ADAMTS2: variants seen among roughly 807,000 people sequenced by gnomAD.
ADAMTS2 encodes ADAM metallopeptidase with thrombospondin type 1 motif 2, also known as A disintegrin and metalloproteinase with thrombospondin motifs 2.
Under a neutral mutation model 123.0 loss-of-function variants are expected in ADAMTS2, and 50 were observed. That is an observed-to-expected ratio of 0.41 (90% confidence interval 0.32 to 0.51). ADAMTS2 has a LOEUF of 0.51. ADAMTS2 is among the 20% of genes least tolerant of loss of function. The pLI, the probability that ADAMTS2 is intolerant of heterozygous loss-of-function variation, is 0.35. For missense variants in ADAMTS2, 1,494 were observed against 1,705.2 expected (o/e 0.88, Z 2.18); for synonymous variants, 678 against 695.4 (o/e 0.98, Z 0.39).
intron 4 of ADAMTS2, among the ~76,000 whole-genome samples, chr5:179,192,136 C>T (rs1027371349): frequency 3.9e-5 from 6 of 152,188 alleles, no homozygotes; most frequent in Non-Finnish European, 8.8e-5. Flanking sequence ...CCTGGCAGAG[C>T]AGGTATGAAC....
chr5:179,297,694 C>T (rs536531071), intron 2 of ADAMTS2, among the ~76,000 whole-genome samples: 1 of 152,244 alleles, frequency 6.6e-6, no homozygotes, highest in South Asian at 2.1e-4. Context: ...CCCCCAACGC[C>T]CTCCACTATA....
chr5:179,229,542 C>T (rs538526815), intron 3 of ADAMTS2, among the ~76,000 whole-genome samples: 5 of 152,346 alleles, frequency 3.3e-5, no homozygotes, highest in Non-Finnish European at 5.9e-5. Flanking sequence ...ATCCAGCCTT[C>T]CCCGGCCCCC....
chr5:179,245,782 A>C (rs866832602), intron 3 of ADAMTS2, among the ~76,000 whole-genome samples: 60 of 132,138 alleles, frequency 4.5e-4, no homozygotes, highest in African/African-American at 1.2e-3. Context: ...AAAAAAAAAA[A>C]AAAAAAAAAA....
intron 2 of ADAMTS2, among the ~76,000 whole-genome samples, chr5:179,274,435 C>A (rs1053393494): frequency 6.6e-6 from 1 of 152,270 alleles, no homozygotes. Flanking sequence ...CACCCATCGA[C>A]ACTCCAGCTT....
chr5:179,132,875 C>A lies in ADAMTS2; in HGVS notation c.2111G>T (p.Gly704Val). Residue 704 changes from glycine to valine, a missense_variant, in exon 14 of 22, where the codon GGC becomes GTC. By Grantham distance (109) the Gly-to-Val change is moderately radical. Around this residue, in one of 6 missense-constraint regions of ADAMTS2, gnomAD observed 953 missense variants for 1,124.7 expected, o/e 0.85. Coordinates refer to ENST00000251582, the MANE Select transcript of ADAMTS2 (RefSeq NM_014244.5). The surrounding 1 kb of genome is among the most constrained non-coding windows in gnomAD (Gnocchi z 6.1). ...ACACTTGTCTTCCTGCTTGCTGGAGCCGATCACACCGTCACAGCCCACCTT... is the reference window on the plus strand; with the variant it reads ...ACACTTGTCTTCCTGCTTGCTGGAGACGATCACACCGTCACAGCCCACCTT... ...CRKVGCDGVI[G>V]SSKQEDKCGV... The A allele has an allele frequency of 1.9e-6, 3 of 1,613,932 alleles. No homozygotes were observed. Among genetic ancestry groups the A allele is most frequent in the Non-Finnish European group, 2.5e-6 (3 of 1,179,968 alleles).
chr5:179,167,381 A>G (rs957299544), intron 5 of ADAMTS2, among the ~76,000 whole-genome samples: 42 of 152,270 alleles, frequency 2.8e-4, no homozygotes, highest in African/African-American at 9.6e-4. Context: ...AGCGGCCCCA[A>G]GACAGCCTCT....
intron 3 of ADAMTS2, among the ~76,000 whole-genome samples, chr5:179,231,902 G>A (rs1047335439): frequency 1.4e-5 from 2 of 143,998 alleles, no homozygotes; most frequent in African/African-American, 2.6e-5. Flanking sequence ...GCCACAGAGC[G>A]AGACCCTGTC....
At chr5:179,249,099 C>A (rs1285763610) in intron 3 of ADAMTS2, among the ~76,000 whole-genome samples, 1 of 151,998 alleles carries the variant, frequency 6.6e-6, no homozygotes, top group Non-Finnish European at 1.5e-5. Context: ...TTTAAAAATT[C>A]ACAAATATGT....
At position 179,326,552 on chromosome 5, in the gene ADAMTS2, C is replaced by T. The variant is rs1234364137; in HGVS notation, c.534+17215G>A. Among the ~76,000 whole-genome samples, 4 of 141,848 alleles carry T rather than the reference C, an allele frequency of 2.8e-5. No individual in the cohort carries two copies. The East Asian group carries it at 6.8e-4, about 24-fold the overall frequency. The allele number at this position is 141,848 out of a possible 152,430, so 93.1% of individuals were successfully genotyped here. A position where few individuals can be genotyped will look rare whatever the true frequency, so the allele number is the denominator to read the frequency against. ...GAGCTCTCAAAAGGGACAAAATCTG[C>T]ACCTGGCTCCGTGTGTCCAAGCGCT... On this transcript the variant is annotated intron_variant, in intron 2 of 21. Transcript: ENST00000251582.
chr5:179,215,914 T>C (rs567163660), intron 3 of ADAMTS2, among the ~76,000 whole-genome samples: 5 of 152,222 alleles, frequency 3.3e-5, no homozygotes. Context: ...ATTGTCCAAC[T>C]GGAATTCTGC....
intron 5 of ADAMTS2, among the ~76,000 whole-genome samples, chr5:179,166,449 C>T (rs1763699394): frequency 6.6e-6 from 1 of 152,202 alleles, no homozygotes; most frequent in Non-Finnish European, 1.5e-5. Flanking sequence ...TTGCTGAATG[C>T]TCCCCAGGGC....
chr5:179,240,795 C>T (rs1208900677), intron 3 of ADAMTS2, among the ~76,000 whole-genome samples: 1 of 152,164 alleles, frequency 6.6e-6, no homozygotes, highest in Non-Finnish European at 1.5e-5. Flanking sequence ...CCCTGATACG[C>T]GATGCCAATA....
rs541582335 is a variant in ADAMTS2, at chr5:179,164,914, C to T, written c.976-6035G>A. ...TACAGGCAGCCTTGGGTTCTGCATG[C>T]CTCTAAGGACTCCTCACAGAAAGAA... On this transcript the variant is annotated intron_variant, in intron 5 of 21. Coordinates refer to ENST00000251582, the MANE Select transcript of ADAMTS2 (RefSeq NM_014244.5). Among the ~76,000 whole-genome samples the T allele has an allele frequency of 6.6e-4, 101 of 152,316 alleles. 1 individual carries two copies. The highest frequency in any genetic ancestry group is 2.3e-3 in the African/African-American group (97 of 41,570).
At position 179,273,015 on chromosome 5, in the gene ADAMTS2, T is replaced by C. The variant is rs749837588; in HGVS notation, c.584A>G (p.Glu195Gly). The C allele has an allele frequency of 2.5e-6, 4 of 1,613,202 alleles. No homozygotes were observed. The Admixed American group carries it at 5.0e-5, about 20-fold the overall frequency. ...AGCCTCCTGCGCCGCCAGCCCCTTC[T>C]CCAAGGGTTCGATGAAGAACTCCTC... ...EEEEFFIEPL[E>G]KGLAAQEAEQ... The change falls in exon 3 of 22, where the codon GAG becomes GGG. Residue 195 changes from glutamate (E) to glycine (G), a missense_variant. Transcript: ENST00000251582.
intron 4 of ADAMTS2, among the ~76,000 whole-genome samples, chr5:179,192,880 A>G (rs1246624428): frequency 1.3e-5 from 2 of 152,174 alleles, no homozygotes; most frequent in Non-Finnish European, 2.9e-5. Flanking sequence ...ACTGTTCTGC[A>G]TTCTTGCTGA....
intron 3 of ADAMTS2, among the ~76,000 whole-genome samples, chr5:179,208,322 A>T (rs911416038): frequency 5.3e-5 from 8 of 152,146 alleles, no homozygotes; most frequent in Non-Finnish European, 1.2e-4. Flanking sequence ...CCCTCCCAGA[A>T]CTTTCTGCTA....
chr5:179,236,098 C>T (rs1433769574), intron 3 of ADAMTS2, among the ~76,000 whole-genome samples: 1 of 152,216 alleles, frequency 6.6e-6, no homozygotes, highest in Non-Finnish European at 1.5e-5. Context: ...AGATATTAAC[C>T]ACACTCTGCC....
At chr5:179,220,290 A>C (rs1172084347) in intron 3 of ADAMTS2, among the ~76,000 whole-genome samples, 1 of 152,154 alleles carries the variant, frequency 6.6e-6, no homozygotes, top group Non-Finnish European at 1.5e-5. Context: ...GGGGGCCGGC[A>C]AGTGGGGTGC....
chr5:179,129,540 A>C lies in ADAMTS2; in HGVS notation c.2457+392T>G, dbSNP rs1762923618. ...ATCTGGGGTCCCATCCTGCTTAGAG[A>C]CACAGTCCAGCTCAACCTGGGTCTG... is the stretch of plus-strand genomic sequence containing the variant. On this transcript the variant is annotated intron_variant, in intron 16 of 21. Transcript: ENST00000251582. The surrounding 1 kb of genome is among the most constrained non-coding windows in gnomAD (Gnocchi z 4.1). Among the ~76,000 whole-genome samples, 1 of 152,138 alleles carries C rather than the reference A, an allele frequency of 6.6e-6. No individual in the cohort carries two copies. Among genetic ancestry groups the C allele is most frequent in the South Asian group, 2.1e-4 (1 of 4,820 alleles).
Sources: gnomAD v4.1 joint callset for allele counts (sites outside exome capture counted in the v4.1 genomes callset) on GRCh38, gnomAD v4.1.1 for gene constraint, gnomAD v4.1.1 regional missense constraint, Gnocchi (gnomAD v3.1) non-coding constraint, MANE v1.5 for transcripts, NCBI Gene and HGNC (gene_info 2026-07-23, HGNC 2026-07-21) for gene names.